RABGAP1L: variants seen among roughly 807,000 people sequenced by gnomAD.
RABGAP1L encodes the protein RAB GTPase activating protein 1 like, also known as rab GTPase-activating protein 1-like.
Under a neutral mutation model 137.7 loss-of-function variants are expected in RABGAP1L, and 63 were observed. The observed-to-expected ratio is 0.46, with a 90% CI of 0.37 to 0.56. The LOEUF (loss-of-function observed/expected upper bound fraction) is 0.56, where lower values mean the gene tolerates loss of function less well. Among genes scored for constraint, RABGAP1L ranks in the 20% least tolerant of loss-of-function variants. The probability of loss-of-function intolerance (pLI) is 0.00; values close to 1 mark genes in which losing one functional copy is unlikely to be tolerated. For synonymous variants in RABGAP1L, 431 were observed against 433.7 expected, an observed-to-expected ratio of 0.99 and a Z score of 0.08; for missense variants, 1,095 against 1,244.0, an observed-to-expected ratio of 0.88 and a Z score of 1.80.
intron 11 of RABGAP1L, among the ~76,000 whole-genome samples, chr1:174,350,891 C>G (rs1683104041): frequency 9.6e-6 from 1 of 103,882 alleles, no homozygotes; most frequent in Non-Finnish European, 2.0e-5. Flanking sequence ...GGGCTGGAGA[C>G]CGGCCCGGCC....
At chr1:174,714,057 G>A (rs1680804162) in intron 17 of RABGAP1L, among the ~76,000 whole-genome samples, 1 of 151,982 alleles carries the variant, frequency 6.6e-6, no homozygotes, top group African/African-American at 2.4e-5. Flanking sequence ...CCTCCCCAGT[G>A]GTATCCAAAG....
rs563265855 is a variant in RABGAP1L at position 174,710,838 on chromosome 1, A to G, written c.2169+8582A>G. Among the ~76,000 whole-genome samples, 18 of 152,368 alleles carry G rather than the reference A, an allele frequency of 1.2e-4. 1 individual carries two copies. Among genetic ancestry groups the G allele is most frequent in the Admixed American group, 9.1e-4 (14 of 15,306 alleles). On this transcript the variant is annotated intron_variant, in intron 17 of 25. Transcript: ENST00000681986. ...CATAACAAAATTAACCTTAAATGTA[A>G]ATAGGCTAAATACCCCAATTAAAAG...
chr1:174,521,743 A>G (rs1387193918), intron 13 of RABGAP1L, among the ~76,000 whole-genome samples: 2 of 152,184 alleles, frequency 1.3e-5, no homozygotes, highest in Non-Finnish European at 2.9e-5. Context: ...TCAGCATCTT[A>G]TACAACTCAG....
intron 13 of RABGAP1L, among the ~76,000 whole-genome samples, chr1:174,626,681 A>T (rs1179043596): frequency 1.3e-5 from 2 of 152,146 alleles, no homozygotes; most frequent in East Asian, 3.8e-4. Flanking sequence ...ATATTCAAGG[A>T]ACAAAGGCTG....
At position 174,619,101 on chromosome 1, in the gene RABGAP1L, A is replaced by G. The variant is rs542026479; in HGVS notation, c.1711-18274A>G. 2.0e-5 allele frequency among the ~76,000 whole-genome samples: 3 copies of G among 152,322 alleles called. No individual in the cohort carries two copies. In the South Asian group the frequency reaches 6.2e-4, roughly 32 times the overall value. On this transcript the variant is annotated intron_variant, in intron 13 of 25. Transcript: ENST00000681986. ...GAGAAGTTTAGAGAAAAAAGAATAA[A>G]AAGAAATGAACAAAGCCTCCAAGAA...
chr1:174,751,764 A>G (rs1684354627), intron 17 of RABGAP1L, among the ~76,000 whole-genome samples: 1 of 152,212 alleles, frequency 6.6e-6, no homozygotes, highest in Non-Finnish European at 1.5e-5. Flanking sequence ...GACCACCTCT[A>G]GTTATACAAA....
At chr1:174,875,009 C>T (rs1319644985) in intron 19 of RABGAP1L, among the ~76,000 whole-genome samples, 1 of 152,124 alleles carries the variant, frequency 6.6e-6, no homozygotes, top group South Asian at 2.1e-4. Flanking sequence ...ACTGCAGCTA[C>T]AATAGAGGAC....
chr1:174,298,911 C>G (rs1677388332), intron 10 of RABGAP1L, among the ~76,000 whole-genome samples: 1 of 152,170 alleles, frequency 6.6e-6, no homozygotes, highest in African/African-American at 2.4e-5. Flanking sequence ...GAGCTGCAGC[C>G]AGAAATTGCT....
intron 14 of RABGAP1L, among the ~76,000 whole-genome samples, chr1:174,654,834 A>G (rs1467246988): frequency 6.6e-6 from 1 of 152,172 alleles, no homozygotes; most frequent in Non-Finnish European, 1.5e-5. Flanking sequence ...CTAGTTTTCT[A>G]CATTTATTGT....
chr1:174,287,673 A>G (rs1422981923), intron 10 of RABGAP1L, among the ~76,000 whole-genome samples: 1 of 151,816 alleles, frequency 6.6e-6, no homozygotes, highest in Non-Finnish European at 1.5e-5. Flanking sequence ...TTGCTTTTTT[A>G]TTACAGACAG....
At chr1:174,612,234 A>G (rs191113545) in intron 13 of RABGAP1L, among the ~76,000 whole-genome samples, 8 of 152,328 alleles carry the variant, frequency 5.3e-5, no homozygotes, top group African/African-American at 1.9e-4. Context: ...TGTCCCATCA[A>G]TACCTAATTT....
chr1:174,517,346 T>C (rs1304129414), intron 13 of RABGAP1L, among the ~76,000 whole-genome samples: 1 of 152,192 alleles, frequency 6.6e-6, no homozygotes, highest in Admixed American at 6.5e-5. Context: ...AACATACCTT[T>C]TGCAATATTT....
chr1:174,250,701 C>A, intron 6 of RABGAP1L, 69 bp downstream of exon 6: 1 of 1,400,572 alleles, frequency 7.1e-7, no homozygotes, highest in Non-Finnish European at 9.8e-7. Context: ...TATAAAGTTT[C>A]AAGAAACTAT....
At chr1:174,618,545 A>T (rs12060177) in intron 13 of RABGAP1L, among the ~76,000 whole-genome samples, 25 of 152,090 alleles carry the variant, frequency 1.6e-4, no homozygotes, top group Non-Finnish European at 2.5e-4. Flanking sequence ...CTGGAGTGGA[A>T]CTCCCACAAA....
intron 3 of RABGAP1L, among the ~76,000 whole-genome samples, chr1:174,228,398 CAT>C (rs1670365394): frequency 2.6e-5 from 4 of 152,192 alleles, no homozygotes; most frequent in South Asian, 4.1e-4. Context: ...TCTAGTTACA[CAT>C]GTTAGACCAC....
At chr1:174,868,522 G>A (rs902918215) in intron 19 of RABGAP1L, among the ~76,000 whole-genome samples, 1 of 152,038 alleles carries the variant, frequency 6.6e-6, no homozygotes, top group African/African-American at 2.4e-5. Flanking sequence ...ATTGCACAGG[G>A]TATTTCTTTT....
At chr1:174,973,802 T>A (rs925986851) in intron 21 of RABGAP1L, among the ~76,000 whole-genome samples, 1 of 151,958 alleles carries the variant, frequency 6.6e-6, no homozygotes, top group Admixed American at 6.6e-5. Flanking sequence ...AAAGGATCAG[T>A]CTGTTCACAA....
chr1:174,580,749 G>T (rs561806653), intron 13 of RABGAP1L, among the ~76,000 whole-genome samples: 7 of 152,034 alleles, frequency 4.6e-5, no homozygotes, highest in Non-Finnish European at 7.4e-5. Context: ...CCTGCATGTT[G>T]TGCACATATA....
At chr1:174,312,068 C>G (rs1678910670) in intron 11 of RABGAP1L, among the ~76,000 whole-genome samples, 1 of 152,206 alleles carries the variant, frequency 6.6e-6, no homozygotes, top group Non-Finnish European at 1.5e-5. Context: ...GTACACATAT[C>G]TTTTTGCTAC....
Sources: allele counts gnomAD v4.1 joint callset (sites outside exome capture counted in the v4.1 genomes callset), GRCh38; gene constraint gnomAD v4.1.1; transcripts MANE v1.5; gene names NCBI Gene and HGNC (gene_info 2026-07-23, HGNC 2026-07-21).